NSMCE2: variants seen among roughly 807,000 people sequenced by gnomAD.
NSMCE2 encodes E3 SUMO-protein ligase NSE2.
NSMCE2 carries 24 observed loss-of-function variants against 23.8 expected under a neutral mutation model. The ratio of observed to expected loss-of-function variants is 1.01; its 90% CI spans 0.73 to 1.42. The LOEUF (loss-of-function observed/expected upper bound fraction) is 1.42, where lower values mean the gene tolerates loss of function less well. NSMCE2 is among the 40% of genes most tolerant of loss of function. The probability of loss-of-function intolerance (pLI) is 0.00; values close to 1 mark genes in which losing one functional copy is unlikely to be tolerated. For missense variants in NSMCE2, 284 were observed against 296.5 expected (o/e 0.96, Z 0.31); for synonymous variants, 92 against 94.1 (o/e 0.98, Z 0.13).
intron 5 of NSMCE2, among the ~76,000 whole-genome samples, chr8:125,322,085 T>C (rs1409022868): frequency 1.3e-5 from 2 of 152,222 alleles, no homozygotes; most frequent in African/African-American, 4.8e-5. Context: ...TTTTAAGAGA[T>C]CTTTTTATAT....
chr8:125,266,018 A>C (rs1826895675), intron 5 of NSMCE2, among the ~76,000 whole-genome samples: 1 of 152,058 alleles, frequency 6.6e-6, no homozygotes, highest in Non-Finnish European at 1.5e-5. Context: ...TTAGAACAAA[A>C]TCCTGTGACC....
chr8:125,304,594 C>T (rs1409075053), intron 5 of NSMCE2, among the ~76,000 whole-genome samples: 5 of 152,130 alleles, frequency 3.3e-5, no homozygotes, highest in Admixed American at 6.6e-5. Context: ...CGGTGGCTCA[C>T]ACCTGTAATC....
At chr8:125,187,683 T>C (rs531348720) in intron 5 of NSMCE2, among the ~76,000 whole-genome samples, 1 of 152,136 alleles carries the variant, frequency 6.6e-6, no homozygotes, top group Non-Finnish European at 1.5e-5. Flanking sequence ...AAGGCAGAAA[T>C]TGAGGGCAGT....
chr8:125,322,475 A>G (rs559213036), intron 5 of NSMCE2, among the ~76,000 whole-genome samples: 46 of 152,370 alleles, frequency 3.0e-4, no homozygotes, highest in African/African-American at 1.1e-3. Flanking sequence ...GGAACTTCTT[A>G]AATCTACTAA....
chr8:125,132,702 C>T (rs1168444529), intron 3 of NSMCE2, among the ~76,000 whole-genome samples: 1 of 151,940 alleles, frequency 6.6e-6, no homozygotes, highest in African/African-American at 2.4e-5. Flanking sequence ...GCCATGTGGC[C>T]CAGGCTAGTC....
intron 3 of NSMCE2, among the ~76,000 whole-genome samples, chr8:125,120,214 A>G (rs532436771): frequency 1.3e-5 from 2 of 152,226 alleles, no homozygotes; most frequent in East Asian, 3.8e-4. Context: ...AGATAACAGC[A>G]CAGATATAGG....
At chr8:125,106,816 C>T (rs144498079) in intron 3 of NSMCE2, among the ~76,000 whole-genome samples, 16 of 151,586 alleles carry the variant, frequency 1.1e-4, no homozygotes, top group East Asian at 3.9e-4. Context: ...GCTAACATGA[C>T]GAAAACCTGT....
intron 5 of NSMCE2, among the ~76,000 whole-genome samples, chr8:125,247,639 C>G (rs1826042565): frequency 6.6e-6 from 1 of 151,488 alleles, no homozygotes; most frequent in Admixed American, 6.6e-5. Flanking sequence ...GCAGGAGAAT[C>G]GCTTGAACCC....
intron 5 of NSMCE2, among the ~76,000 whole-genome samples, chr8:125,285,348 T>A (rs1004537980): frequency 3.9e-5 from 6 of 152,178 alleles, no homozygotes; most frequent in African/African-American, 1.4e-4. Flanking sequence ...GGGTGCCTTG[T>A]TTCTATTTTT....
intron 4 of NSMCE2, among the ~76,000 whole-genome samples, chr8:125,178,630 G>A (rs28700192): frequency 0.077 from 11,672 of 152,206 alleles, 556 homozygotes; most frequent in Middle Eastern, 0.28. Context: ...CAGCACTTTG[G>A]GAGGTGGAGG....
chr8:125,201,861 T>A (rs1823894311), intron 5 of NSMCE2, among the ~76,000 whole-genome samples: 2 of 152,198 alleles, frequency 1.3e-5, no homozygotes, highest in African/African-American at 4.8e-5. Context: ...AGTTCAAGCT[T>A]CTCAGCCGCT....
chr8:125,218,153 C>T (rs1824684098), intron 5 of NSMCE2, among the ~76,000 whole-genome samples: 1 of 152,100 alleles, frequency 6.6e-6, no homozygotes, highest in African/African-American at 2.4e-5. Context: ...TTTGCATGTA[C>T]TCTGAGCTGC....
intron 5 of NSMCE2, among the ~76,000 whole-genome samples, chr8:125,310,790 C>T (rs1358044277): frequency 6.6e-6 from 1 of 152,062 alleles, no homozygotes; most frequent in Non-Finnish European, 1.5e-5. Context: ...GCTCATTTAC[C>T]GAGGAGTATA....
chr8:125,174,195 A>G (rs1822361561), intron 4 of NSMCE2, among the ~76,000 whole-genome samples: 1 of 151,988 alleles, frequency 6.6e-6, no homozygotes, highest in Non-Finnish European at 1.5e-5. Flanking sequence ...TTATTTGAAT[A>G]TTTGTTTCCC....
chr8:125,186,580 T>G (rs1370495199), intron 5 of NSMCE2, among the ~76,000 whole-genome samples: 1 of 152,090 alleles, frequency 6.6e-6, no homozygotes, highest in African/African-American at 2.4e-5. Flanking sequence ...TGACAACCAT[T>G]AATAACAAAT....
At chr8:125,264,063 C>T (rs1826812412) in intron 5 of NSMCE2, among the ~76,000 whole-genome samples, 2 of 152,198 alleles carry the variant, frequency 1.3e-5, no homozygotes, top group African/African-American at 4.8e-5. Context: ...TGGCACATAA[C>T]TGGCCCTCTG....
At chr8:125,266,607 A>G (rs1826928342) in intron 5 of NSMCE2, among the ~76,000 whole-genome samples, 1 of 152,202 alleles carries the variant, frequency 6.6e-6, no homozygotes, top group Non-Finnish European at 1.5e-5. Flanking sequence ...AGAGAATAGA[A>G]TGCTGTCTCC....
chr8:125,128,424 G>T lies in NSMCE2; in HGVS notation c.158-22747G>T, dbSNP rs111864360. On this transcript the variant is annotated intron_variant, in intron 3 of 7. Coordinates refer to ENST00000287437, the MANE Select transcript of NSMCE2 (RefSeq NM_173685.4). Reference sequence around the variant, plus strand: ...GGAGGAGTAATTGATGAAACTTGATGGTTTATTGAATATGGAAATTGAGGA... The same window carrying T: ...GGAGGAGTAATTGATGAAACTTGATTGTTTATTGAATATGGAAATTGAGGA... Among the ~76,000 whole-genome samples, 1,000 of 152,182 alleles carry T rather than the reference G, an allele frequency of 6.6e-3. 20 individuals are homozygous for T. Among genetic ancestry groups the T allele is most frequent in the African/African-American group, 0.023 (954 of 41,506 alleles).
chr8:125,095,467 G>A (rs888268284), intron 1 of NSMCE2, among the ~76,000 whole-genome samples: 11 of 151,890 alleles, frequency 7.2e-5, no homozygotes, highest in African/African-American at 1.9e-4. Context: ...GGTGGCGCGC[G>A]CCTGTGGTCC....
Sources: allele counts gnomAD v4.1 joint callset (sites outside exome capture counted in the v4.1 genomes callset), GRCh38; gene constraint gnomAD v4.1.1; transcripts MANE v1.5; gene names NCBI Gene and HGNC (gene_info 2026-07-23, HGNC 2026-07-21).